ZBTB41: variants seen among roughly 807,000 people sequenced by gnomAD.
ZBTB41 encodes the protein zinc finger and BTB domain containing 41.
Under a neutral mutation model 87.6 loss-of-function variants are expected in ZBTB41, and 42 were observed. The observed-to-expected ratio is 0.48, with a 90% CI of 0.37 to 0.62. ZBTB41 has a LOEUF of 0.62. Ranked by LOEUF, ZBTB41 falls within the 20% of genes least tolerant of loss-of-function variation. ZBTB41 has a pLI of 0.00. For synonymous variants in ZBTB41, 364 were observed against 364.0 expected (o/e 1.00, Z 0.00); for missense variants, 799 against 1,078.9 (o/e 0.74, Z 3.63).
Position 197,199,654 on chromosome 1 carries a change from C to T in ZBTB41, c.820G>A (p.Gly274Ser). 6.2e-7 allele frequency: 1 copy of T among 1,613,380 alleles called. No individual in the cohort carries two copies. Among genetic ancestry groups the T allele is most frequent in the Non-Finnish European group, 8.5e-7 (1 of 1,179,926 alleles). Residue 274 changes from glycine to serine, a missense_variant, in exon 2 of 11, where the codon GGT becomes AGT. By Grantham distance (56) the Gly-to-Ser change is moderately conservative. Coordinates refer to ENST00000367405, the MANE Select transcript of ZBTB41 (RefSeq NM_194314.3). ...TGATTCAAATTGTCTGACCCATCAC[C>T]ACTTTCCTGTTCATCATCGCTGGTG... ...DDTSDDEQES[G>S]DGSDNLNQEN...
intron 2 of ZBTB41, among the ~76,000 whole-genome samples, chr1:197,195,017 CA>C (rs1387474434): frequency 2.6e-5 from 4 of 151,928 alleles, no homozygotes; most frequent in East Asian, 1.9e-4. Context: ...TGTTTTTTGC[CA>C]GGGGGAGGGC....
intron 6 of ZBTB41, 110 bp downstream of exon 6, chr1:197,180,878 A>G (rs1659729089): frequency 8.4e-7 from 1 of 1,196,886 alleles, no homozygotes; most frequent in East Asian, 2.6e-5. Context: ...ACTAAAGCAC[A>G]ATTCATGCAT....
At chr1:197,177,393 C>G (rs148074490) in intron 7 of ZBTB41, among the ~76,000 whole-genome samples, 1 of 152,048 alleles carries the variant, frequency 6.6e-6, no homozygotes, top group African/African-American at 2.4e-5. Context: ...CCCAGCCATG[C>G]GGAACTGTGA....
At chr1:197,191,468 A>G in intron 3 of ZBTB41, among the ~76,000 whole-genome samples, 1 of 151,564 alleles carries the variant, frequency 6.6e-6, no homozygotes, top group East Asian at 1.9e-4. Flanking sequence ...AAAAAAAAAA[A>G]AAAAAAAAAA....
At chr1:197,165,453 C>CA (rs920221471) in intron 10 of ZBTB41, among the ~76,000 whole-genome samples, 1 of 151,128 alleles carries the variant, frequency 6.6e-6, no homozygotes, top group Non-Finnish European at 1.5e-5. Flanking sequence ...ACTAAAAATG[C>CA]AAAAAAATTA....
At chr1:197,165,929 G>A (rs768372214) in intron 10 of ZBTB41, among the ~76,000 whole-genome samples, 179 of 152,162 alleles carry the variant, frequency 1.2e-3, no homozygotes, top group Admixed American at 3.4e-3. Flanking sequence ...TAGACAGTGG[G>A]TGCAGCCCAT....
intron 5 of ZBTB41, among the ~76,000 whole-genome samples, chr1:197,182,909 G>A (rs774022713): frequency 6.6e-6 from 1 of 152,082 alleles, no homozygotes; most frequent in African/African-American, 2.4e-5. Flanking sequence ...TTTTAATAAG[G>A]TCTCCAGGTG....
intron 5 of ZBTB41, among the ~76,000 whole-genome samples, chr1:197,183,080 T>A (rs573448275): frequency 6.6e-6 from 1 of 152,096 alleles, no homozygotes; most frequent in Non-Finnish European, 1.5e-5. Context: ...TGTATACATA[T>A]GTACACACAC....
At chr1:197,188,547 C>T (rs1659939969) in intron 4 of ZBTB41, 108 bp from the exon 5 acceptor site, 1 of 1,103,960 alleles carries the variant, frequency 9.1e-7, no homozygotes. Flanking sequence ...GACTTTTCTC[C>T]CAACAGAAAA....
intron 2 of ZBTB41, among the ~76,000 whole-genome samples, chr1:197,196,859 C>G (rs1373088778): frequency 1.3e-5 from 2 of 152,110 alleles, no homozygotes; most frequent in African/African-American, 2.4e-5. Flanking sequence ...GTAAACTGTT[C>G]CCTATTCTTT....
At chr1:197,195,732 T>C (rs564823366) in intron 2 of ZBTB41, among the ~76,000 whole-genome samples, 1 of 152,272 alleles carries the variant, frequency 6.6e-6, no homozygotes, top group South Asian at 2.1e-4. Context: ...CCATCTGTCA[T>C]CTCCCTATTT....
At chr1:197,162,755 G>A (rs531301495) in intron 10 of ZBTB41, among the ~76,000 whole-genome samples, 1 of 152,246 alleles carries the variant, frequency 6.6e-6, no homozygotes, top group East Asian at 1.9e-4. Context: ...GTATAGAGGT[G>A]CTTTCTTTTC....
chr1:197,176,362 T>C (rs1390593633), intron 8 of ZBTB41, among the ~76,000 whole-genome samples: 2 of 152,092 alleles, frequency 1.3e-5, no homozygotes, highest in Non-Finnish European at 2.9e-5. Context: ...TACCAAATAA[T>C]TAAAATTACA....
chr1:197,196,027 T>A (rs904536565), intron 2 of ZBTB41, among the ~76,000 whole-genome samples: 2 of 152,104 alleles, frequency 1.3e-5, no homozygotes, highest in African/African-American at 2.4e-5. Flanking sequence ...AAGCCCAAAG[T>A]CAAGCCAGAT....
At chr1:197,169,706 T>C (rs1659432045) in intron 10 of ZBTB41, among the ~76,000 whole-genome samples, 2 of 151,516 alleles carry the variant, frequency 1.3e-5, no homozygotes, top group Admixed American at 1.3e-4. Context: ...TATACTTCAA[T>C]AAAAAAAAGC....
Position 197,159,145 on chromosome 1 carries a change from T to A in ZBTB41, c.*214A>T. On this transcript the variant is annotated 3_prime_UTR_variant, in exon 11 of 11. Coordinates refer to ENST00000367405, the MANE Select transcript of ZBTB41 (RefSeq NM_194314.3). ...GTTAGCACTAAATAATCTTTAAAAA[T>A]CACAAAAATGTGCACTTCAAATATT... The A allele has an allele frequency of 4.0e-6, 2 of 505,674 alleles. No individual in the cohort carries two copies. Among genetic ancestry groups the A allele is most frequent in the East Asian group, 3.2e-5 (1 of 31,028 alleles). 31.3% of individuals were successfully genotyped at this position (505,674 alleles called of 1,614,324 possible).
intron 2 of ZBTB41, among the ~76,000 whole-genome samples, chr1:197,192,281 T>G (rs1300749693): frequency 6.6e-6 from 1 of 152,202 alleles, no homozygotes; most frequent in Non-Finnish European, 1.5e-5. Context: ...ATTTAAGATT[T>G]ATTATGTTCA....
In ZBTB41 at chr1:197,200,424, C is replaced by T; in HGVS notation, c.50G>A (p.Gly17Asp). ...TCCTTCTGAAGAATCTTTATGATAG[C>T]CTAGATGGATCTTCTCAAGATTTGA... is the stretch of plus-strand genomic sequence containing the variant. The part of the protein sequence containing the change: ...VTSNLEKIHL[G>D]YHKDSSEGNV... Residue 17 changes from glycine to aspartate, a missense_variant, in exon 2 of 11, where the codon GGC becomes GAC. Around this residue, in one of 5 missense-constraint regions of ZBTB41, gnomAD observed 77 missense variants for 68.4 expected, o/e 1.13. Coordinates refer to ENST00000367405, the MANE Select transcript of ZBTB41 (RefSeq NM_194314.3). 1 of 1,607,680 alleles carries T rather than the reference C, an allele frequency of 6.2e-7. No homozygotes were observed. The highest frequency in any genetic ancestry group is 8.5e-7 in the Non-Finnish European group (1 of 1,178,344).
intron 5 of ZBTB41, 93 bp from the exon 6 acceptor site, chr1:197,181,210 T>G: frequency 8.9e-7 from 1 of 1,121,502 alleles, no homozygotes; most frequent in East Asian, 2.5e-5. Flanking sequence ...ATGCCTATCC[T>G]ATTGGTGCAT....
Sources: gnomAD v4.1 joint callset for allele counts (sites outside exome capture counted in the v4.1 genomes callset) on GRCh38, gnomAD v4.1.1 for gene constraint, gnomAD v4.1.1 regional missense constraint, MANE v1.5 for transcripts, NCBI Gene and HGNC (gene_info 2026-07-23, HGNC 2026-07-21) for gene names.